Variants in VPS13B observed in about 807,000 individuals in gnomAD.
VPS13B encodes intermembrane lipid transfer protein VPS13B.
Under a neutral mutation model 426.4 loss-of-function variants are expected in VPS13B, and 285 were observed. The observed-to-expected ratio is 0.67, with a 90% confidence interval of 0.61 to 0.74. VPS13B has a LOEUF of 0.74. VPS13B is among the 30% of genes least tolerant of loss of function. VPS13B has a pLI of 0.00. For missense variants in VPS13B, 4,537 were observed against 4,782.6 expected, an observed-to-expected ratio of 0.95 and a Z score of 1.51; for synonymous variants, 1,676 against 1,676.4, an observed-to-expected ratio of 1.00 and a Z score of 0.01.
At chr8:99,860,365 C>G (rs180807048) in intron 57 of VPS13B, among the ~76,000 whole-genome samples, 7 of 152,256 alleles carry the variant, frequency 4.6e-5, no homozygotes, top group African/African-American at 1.7e-4. Flanking sequence ...CTCAAATCAT[C>G]TGGGAGGACT....
chr8:99,270,131 CTTTTTTTTTT>C (rs71273170), intron 17 of VPS13B, among the ~76,000 whole-genome samples: 1,536 of 30,362 alleles, frequency 0.051, 150 homozygotes, highest in African/African-American at 0.16. Context: ...ATATAAGAAT[CTTTTTTTTTT>C]TTTTTTTTTT....
In VPS13B at chr8:99,772,331, T is replaced by C. The variant is rs530523514; in HGVS notation, c.7248-4444T>C. Among the ~76,000 whole-genome samples, 14 of 152,316 alleles carry C rather than the reference T, an allele frequency of 9.2e-5. 1 individual carries two copies. Among genetic ancestry groups the C allele is most frequent in the Admixed American group, 9.2e-4 (14 of 15,298 alleles). ...TGAAATAGCTGGTTACAACTGGAAT[T>C]TTTTTAATAACATAAAATAAAATAG... is the stretch of plus-strand genomic sequence containing the variant. On this transcript the variant is annotated intron_variant, in intron 40 of 61. Transcript: ENST00000357162.
At chr8:99,233,196 G>A (rs867187031) in intron 17 of VPS13B, 16 of 1,392,378 alleles carry the variant, frequency 1.1e-5, no homozygotes, top group Middle Eastern at 2.5e-4. Context: ...CATTTTCATC[G>A]GGCGTTTGGT....
intron 8 of VPS13B, among the ~76,000 whole-genome samples, chr8:99,123,122 CAAAAAAAAAAAA>C (rs71273164): frequency 3.3e-5 from 2 of 61,438 alleles, no homozygotes; most frequent in Non-Finnish European, 6.0e-5. Flanking sequence ...ACTCTGTCTC[CAAAAAAAAAAAA>C]AAAAAAAAAA....
In VPS13B at chr8:99,871,494, G is replaced by C. The variant is rs558917637; in HGVS notation, c.11542G>C (p.Asp3848His). The change falls in exon 61 of 62, where the codon GAC becomes CAC. Residue 3848 changes from aspartate to histidine, a missense_variant. This residue lies in a region of VPS13B where 4,311 missense variants were observed against 4,474.3 expected (regional missense o/e 0.96). Transcript: ENST00000357162. ...LGRPEVHMAL[D>H]VVLVRGSGQE... is the part of the protein sequence containing the mutation. ...CAGACCAGAAGTCCACATGGCCCTG[G>C]ACGTGGTTCTGGTGAGGGGCTCAGG... 66 of 1,614,232 alleles carry C rather than the reference G, an allele frequency of 4.1e-5. 1 individual carries two copies. In the South Asian group the frequency reaches 6.9e-4, roughly 17 times the overall value.
chr8:99,778,574 T>C, intron 41 of VPS13B, 108 bp from the exon 42 acceptor site: 1 of 993,358 alleles, frequency 1.0e-6, no homozygotes. Flanking sequence ...CACCAAAAAC[T>C]AATTTCAATA....
At chr8:99,797,803 T>G (rs189791614) in intron 43 of VPS13B, among the ~76,000 whole-genome samples, 39 of 152,356 alleles carry the variant, frequency 2.6e-4, no homozygotes, top group Non-Finnish European at 2.8e-4. Context: ...AAATTTTTGT[T>G]GTTTATCATA....
chr8:99,802,499 G>C (rs1470173840), intron 43 of VPS13B, among the ~76,000 whole-genome samples: 1 of 151,956 alleles, frequency 6.6e-6, no homozygotes, highest in Non-Finnish European at 1.5e-5. Context: ...ATAAGACATA[G>C]TTGTAATACA....
At chr8:99,051,173 T>G (rs1284976088) in intron 3 of VPS13B, among the ~76,000 whole-genome samples, 1 of 152,190 alleles carries the variant, frequency 6.6e-6, no homozygotes. Flanking sequence ...GGTCTAACAT[T>G]TAAGTCTTTA....
At chr8:99,803,296 G>C (rs1348426968) in intron 43 of VPS13B, among the ~76,000 whole-genome samples, 2 of 152,170 alleles carry the variant, frequency 1.3e-5, no homozygotes, top group East Asian at 1.9e-4. Context: ...TAATTGCACA[G>C]TATTTGTGGC....
chr8:99,160,381 G>T (rs1811581412), intron 15 of VPS13B, among the ~76,000 whole-genome samples: 1 of 152,172 alleles, frequency 6.6e-6, no homozygotes, highest in Admixed American at 6.5e-5. Context: ...AGTACTGGCT[G>T]GGTATCGTGG....
At chr8:99,315,394 T>G (rs1809584095) in intron 19 of VPS13B, among the ~76,000 whole-genome samples, 1 of 152,034 alleles carries the variant, frequency 6.6e-6, no homozygotes, top group Non-Finnish European at 1.5e-5. Flanking sequence ...ATGTGCTGGA[T>G]TTTTTTCTTG....
At chr8:99,128,079 C>T (rs1809527606) in intron 8 of VPS13B, among the ~76,000 whole-genome samples, 1 of 151,936 alleles carries the variant, frequency 6.6e-6, no homozygotes, top group African/African-American at 2.4e-5. Context: ...CACTAAAGCT[C>T]ATTAAGTGGT....
chr8:99,605,458 A>G (rs1002535488), intron 33 of VPS13B, among the ~76,000 whole-genome samples: 1 of 152,158 alleles, frequency 6.6e-6, no homozygotes, highest in African/African-American at 2.4e-5. Flanking sequence ...AGATAACTCT[A>G]ATCCTAGATA....
chr8:99,404,972 G>T (rs1238291343), intron 21 of VPS13B, among the ~76,000 whole-genome samples: 1 of 152,168 alleles, frequency 6.6e-6, no homozygotes, highest in Non-Finnish European at 1.5e-5. Flanking sequence ...TTCAAGCATG[G>T]TGAAGCTTAT....
chr8:99,840,183 TC>T (rs771120837), intron 54 of VPS13B, among the ~76,000 whole-genome samples: 6 of 152,248 alleles, frequency 3.9e-5, no homozygotes, highest in Non-Finnish European at 7.3e-5. Context: ...TCCCTATGCT[TC>T]CATTAATAAA....
chr8:99,200,414 A>G (rs1284412850), intron 17 of VPS13B, among the ~76,000 whole-genome samples: 2 of 152,044 alleles, frequency 1.3e-5, no homozygotes, highest in East Asian at 1.9e-4. Context: ...TTTTGTGTAT[A>G]TATACCTATA....
At chr8:99,243,460 G>T (rs1407909170) in intron 17 of VPS13B, among the ~76,000 whole-genome samples, 2 of 152,072 alleles carry the variant, frequency 1.3e-5, no homozygotes, top group Non-Finnish European at 2.9e-5. Context: ...CATGTAGTAG[G>T]TGTTCAATAA....
chr8:99,814,237 T>C (rs1015077941), intron 44 of VPS13B, among the ~76,000 whole-genome samples: 1 of 152,240 alleles, frequency 6.6e-6, no homozygotes, highest in Non-Finnish European at 1.5e-5. Flanking sequence ...CAGAGAACTC[T>C]TGATGACATA....
Sources: allele counts gnomAD v4.1 joint callset (sites outside exome capture counted in the v4.1 genomes callset), GRCh38; gene constraint gnomAD v4.1.1; regional missense constraint gnomAD v4.1.1; transcripts MANE v1.5; gene names NCBI Gene and HGNC (gene_info 2026-07-23, HGNC 2026-07-21).